GALNTL6: variants seen among roughly 807,000 people sequenced by gnomAD.
GALNTL6 encodes polypeptide N-acetylgalactosaminyltransferase like 6.
Under a neutral mutation model 73.7 loss-of-function variants are expected in GALNTL6, and 46 were observed. The ratio of observed to expected loss-of-function variants is 0.62; its 90% CI spans 0.49 to 0.80. The LOEUF is 0.80. GALNTL6 is among the 30% of genes least tolerant of loss of function. The probability of loss-of-function intolerance (pLI) is 0.00; values close to 1 mark genes in which losing one functional copy is unlikely to be tolerated. For missense variants in GALNTL6, 604 were observed against 755.0 expected (o/e 0.80, Z 2.34); for synonymous variants, 259 against 263.7 (o/e 0.98, Z 0.17).
chr4:172,190,090 A>G (rs538065031), intron 2 of GALNTL6, among the ~76,000 whole-genome samples: 3 of 152,218 alleles, frequency 2.0e-5, no homozygotes, highest in South Asian at 4.1e-4. Context: ...TATTTTTAAA[A>G]GAATACAAGT....
At chr4:172,915,251 T>G (rs943392055) in intron 8 of GALNTL6, among the ~76,000 whole-genome samples, 20 of 152,096 alleles carry the variant, frequency 1.3e-4, no homozygotes, top group Non-Finnish European at 2.5e-4. Flanking sequence ...TTTAAAGCAC[T>G]GTAGAGGGAA....
intron 5 of GALNTL6, among the ~76,000 whole-genome samples, chr4:172,718,292 A>G (rs1299991689): frequency 6.6e-6 from 1 of 152,188 alleles, no homozygotes; most frequent in East Asian, 1.9e-4. Context: ...TCATAATTTC[A>G]AAATGAAACA....
At chr4:172,831,031 T>A (rs976277533) in intron 7 of GALNTL6, among the ~76,000 whole-genome samples, 1 of 142,890 alleles carries the variant, frequency 7.0e-6, no homozygotes, top group Non-Finnish European at 1.5e-5. Flanking sequence ...TGGTGGCACA[T>A]GCTTGTAATC....
intron 2 of GALNTL6, among the ~76,000 whole-genome samples, chr4:172,155,144 C>G (rs1422276931): frequency 1.3e-5 from 2 of 150,552 alleles, no homozygotes; most frequent in East Asian, 3.9e-4. Flanking sequence ...ATTACAGGAG[C>G]CTGCCACCAC....
chr4:172,625,251 G>A (rs1173151260), intron 5 of GALNTL6, among the ~76,000 whole-genome samples: 1 of 151,670 alleles, frequency 6.6e-6, no homozygotes, highest in African/African-American at 2.4e-5. Context: ...CCATCTTTAT[G>A]TCCGTACATA....
chr4:172,996,645 AAAGAGT>A (rs1751802741), intron 10 of GALNTL6, among the ~76,000 whole-genome samples: 1 of 152,176 alleles, frequency 6.6e-6, no homozygotes, highest in African/African-American at 2.4e-5. Context: ...CTCTGTTTAC[AAAGAGT>A]AAGTCCAAGC....
chr4:171,921,556 C>T lies in GALNTL6; in HGVS notation c.138+106838C>T, dbSNP rs575071317. Among the ~76,000 whole-genome samples, 5 of 152,154 alleles carry T rather than the reference C, an allele frequency of 3.3e-5. No homozygotes were observed. In the East Asian group the frequency reaches 7.7e-4, roughly 24 times the overall value. ...ATTATCATTACTCTAGTTAATGAAA[C>T]ATATGAAAAGATTATTGTATCTTCA... On this transcript the variant is annotated intron_variant, in intron 2 of 12. Transcript: ENST00000506823.
At chr4:172,980,977 G>A (rs545099960) in intron 10 of GALNTL6, among the ~76,000 whole-genome samples, 209 of 152,136 alleles carry the variant, frequency 1.4e-3, no homozygotes, top group South Asian at 2.5e-3. Context: ...GGCTTATTTC[G>A]CTTAGCATAA....
chr4:173,011,875 C>A (rs1027637883), intron 11 of GALNTL6, among the ~76,000 whole-genome samples: 10 of 152,226 alleles, frequency 6.6e-5, no homozygotes, highest in Admixed American at 1.3e-4. Context: ...AGATAGTGGG[C>A]AAAATTGCCT....
At chr4:172,991,586 T>A (rs527750107) in intron 10 of GALNTL6, among the ~76,000 whole-genome samples, 1 of 152,098 alleles carries the variant, frequency 6.6e-6, no homozygotes, top group African/African-American at 2.4e-5. Flanking sequence ...TGTTTTTTTT[T>A]TAGTAGAGAC....
chr4:172,969,801 G>C (rs1203601929), intron 10 of GALNTL6, among the ~76,000 whole-genome samples: 1 of 152,208 alleles, frequency 6.6e-6, no homozygotes, highest in Non-Finnish European at 1.5e-5. Flanking sequence ...GGATGTTTGA[G>C]AGGTGATTAG....
At chr4:172,954,626 C>T (rs1293350258) in intron 10 of GALNTL6, among the ~76,000 whole-genome samples, 1 of 152,008 alleles carries the variant, frequency 6.6e-6, no homozygotes, top group African/African-American at 2.4e-5. Context: ...ACCACCAGTC[C>T]CAGCTAATTT....
intron 2 of GALNTL6, among the ~76,000 whole-genome samples, chr4:172,166,600 T>C (rs1734632891): frequency 6.6e-6 from 1 of 152,206 alleles, no homozygotes; most frequent in African/African-American, 2.4e-5. Flanking sequence ...ATTCGTATTA[T>C]CAATATACAT....
rs183668295 is a variant in GALNTL6 at position 172,038,383 on chromosome 4, T to C, written c.139-191273T>C. 5.9e-5 allele frequency among the ~76,000 whole-genome samples: 9 copies of C among 152,306 alleles called. No homozygotes were observed. In the East Asian group the frequency reaches 1.7e-3, roughly 29 times the overall value. ...TTTCTTCAACGCAAGGCCAATTTGC[T>C]AAAGAGAGTTTATATATTCTATCTT... On this transcript the variant is annotated intron_variant, in intron 2 of 12. Coordinates refer to ENST00000506823, the MANE Select transcript of GALNTL6 (RefSeq NM_001034845.3).
At chr4:172,596,986 A>T (rs989663502) in intron 5 of GALNTL6, among the ~76,000 whole-genome samples, 9 of 152,226 alleles carry the variant, frequency 5.9e-5, no homozygotes, top group African/African-American at 2.2e-4. Flanking sequence ...AAAGGAAAAT[A>T]CAGTAATTTG....
intron 2 of GALNTL6, among the ~76,000 whole-genome samples, chr4:172,195,050 C>A (rs1028385445): frequency 2.0e-5 from 3 of 152,014 alleles, no homozygotes; most frequent in African/African-American, 7.2e-5. Context: ...AGTTAAGAGA[C>A]CCATCTCACG....
intron 5 of GALNTL6, among the ~76,000 whole-genome samples, chr4:172,723,811 G>A (rs1735637497): frequency 6.6e-6 from 1 of 151,832 alleles, no homozygotes; most frequent in African/African-American, 2.4e-5. Context: ...TGAAGTGGTG[G>A]TTTAATATTC....
At chr4:172,924,845 G>A (rs890325044) in intron 8 of GALNTL6, among the ~76,000 whole-genome samples, 3 of 152,024 alleles carry the variant, frequency 2.0e-5, no homozygotes, top group African/African-American at 7.2e-5. Context: ...TAGAGGAATG[G>A]TATGCTCAGA....
chr4:172,599,771 TTAAAAG>T (rs965949197), intron 5 of GALNTL6, among the ~76,000 whole-genome samples: 6 of 152,070 alleles, frequency 3.9e-5, no homozygotes, highest in Admixed American at 1.3e-4. Context: ...TTTTTTGACA[TTAAAAG>T]TAAGGGGAAA....
Sources: allele counts gnomAD v4.1 joint callset (sites outside exome capture counted in the v4.1 genomes callset), GRCh38; gene constraint gnomAD v4.1.1; transcripts MANE v1.5; gene names NCBI Gene and HGNC (gene_info 2026-07-23, HGNC 2026-07-21).